The following STAT5B variants were observed in gnomAD, a reference collection of about 807,000 sequenced individuals.
STAT5B encodes transcription factor STAT5B.
In STAT5B, 21 loss-of-function variants were observed where a neutral mutation model predicts 107.8. That is an observed-to-expected ratio of 0.19 (90% CI 0.14 to 0.28). The LOEUF (loss-of-function observed/expected upper bound fraction) is 0.28, where lower values mean the gene tolerates loss of function less well. STAT5B is among the 10% of genes least tolerant of loss of function. The pLI is 1.00. For missense variants in STAT5B, 565 were observed against 1,008.2 expected, an observed-to-expected ratio of 0.56 and a Z score of 5.95; for synonymous variants, 325 against 401.7, an observed-to-expected ratio of 0.81 and a Z score of 2.28.
At chr17:42,207,115 C>A (rs368678242) in intron 16 of STAT5B, among the ~76,000 whole-genome samples, 1 of 151,794 alleles carries the variant, frequency 6.6e-6, no homozygotes, top group Non-Finnish European at 1.5e-5. Context: ...TCAAATGATC[C>A]GCCTGCCTTG....
intron 1 of STAT5B, among the ~76,000 whole-genome samples, chr17:42,257,716 C>T (rs900573149): frequency 5.9e-5 from 9 of 152,184 alleles, no homozygotes; most frequent in Admixed American, 5.9e-4. Flanking sequence ...AATGGGACCA[C>T]ACACAAATAG....
chr17:42,257,291 C>T (rs1262382393), intron 1 of STAT5B, among the ~76,000 whole-genome samples: 4 of 152,282 alleles, frequency 2.6e-5, no homozygotes, highest in African/African-American at 7.2e-5. Context: ...TACCACCTGA[C>T]AATTGAATCT....
chr17:42,283,662 C>T, the STAT5B span, among the ~76,000 whole-genome samples: 1 of 152,230 alleles, frequency 6.6e-6, no homozygotes, highest in African/African-American at 2.4e-5. Context: ...TAGGGGACAG[C>T]GGCAGGAACG....
intron 11 of STAT5B, 132 bp from the exon 12 acceptor site, chr17:42,216,238 T>C: frequency 1.3e-6 from 1 of 755,338 alleles, no homozygotes; most frequent in Non-Finnish European, 2.2e-6. Flanking sequence ...AGACACAGAA[T>C]CTAAATGGCC....
intron 16 of STAT5B, among the ~76,000 whole-genome samples, chr17:42,203,225 G>C (rs2080060019): frequency 6.6e-6 from 1 of 152,138 alleles, no homozygotes; most frequent in African/African-American, 2.4e-5. Context: ...ACAGGCATAA[G>C]CCACCGCACT....
At chr17:42,231,851 G>GA (rs544746847) in intron 2 of STAT5B, 149 bp downstream of exon 2, 317 of 1,216,936 alleles carry the variant, frequency 2.6e-4, no homozygotes, top group Non-Finnish European at 3.4e-4. Context: ...CCTATAAAAA[G>GA]AAAAAAAATT....
chr17:42,266,592 T>C (rs1174434424), intron 1 of STAT5B, among the ~76,000 whole-genome samples: 1 of 151,916 alleles, frequency 6.6e-6, no homozygotes, highest in African/African-American at 2.4e-5. Context: ...ATATGCTTTT[T>C]GGCCCGGTGC....
rs571356004 is a variant in STAT5B, at chr17:42,223,156, T to G, written c.550+226A>C. On this transcript the variant is annotated intron_variant, in intron 5 of 18. Transcript: ENST00000293328. ...CCTGGCAGCTCAGAAGCTCCCTGGA[T>G]GTGGGGACCTGAGTGAGATATGCAC... Among the ~76,000 whole-genome samples the G allele has an allele frequency of 2.6e-5, 4 of 152,284 alleles. No individual in the cohort carries two copies. The South Asian group carries it at 8.3e-4, about 32-fold the overall frequency.
At chr17:42,241,773 A>G (rs1198590691) in intron 1 of STAT5B, among the ~76,000 whole-genome samples, 1 of 152,190 alleles carries the variant, frequency 6.6e-6, no homozygotes, top group Non-Finnish European at 1.5e-5. Flanking sequence ...ACGGAAAAAT[A>G]TTCAATAGCA....
intron 1 of STAT5B, among the ~76,000 whole-genome samples, chr17:42,257,506 C>A (rs1157106300): frequency 1.3e-5 from 2 of 152,194 alleles, no homozygotes; most frequent in Non-Finnish European, 1.5e-5. Flanking sequence ...CAAAACAAAT[C>A]GGGTCCAATC....
chr17:42,251,089 A>T (rs1368332297), intron 1 of STAT5B, among the ~76,000 whole-genome samples: 1 of 152,162 alleles, frequency 6.6e-6, no homozygotes. Flanking sequence ...AAAAGGCTTT[A>T]AATAAGACTC....
chr17:42,219,873 C>A, intron 5 of STAT5B, 31 bp from the exon 6 acceptor site: 1 of 1,614,084 alleles, frequency 6.2e-7, no homozygotes, highest in Non-Finnish European at 8.5e-7. Flanking sequence ...CCATGACCAT[C>A]ACCTCCCAGT....
intron 1 of STAT5B, among the ~76,000 whole-genome samples, chr17:42,251,193 A>G (rs1033041752): frequency 1.3e-5 from 2 of 152,166 alleles, no homozygotes; most frequent in African/African-American, 4.8e-5. Flanking sequence ...CATTCTTTTA[A>G]ATCAATCAGA....
At chr17:42,215,115 C>T (rs185512743) in intron 12 of STAT5B, among the ~76,000 whole-genome samples, 30 of 152,278 alleles carry the variant, frequency 2.0e-4, no homozygotes, top group African/African-American at 7.2e-4. Flanking sequence ...TGCATAAATC[C>T]ACCAAATTAT....
chr17:42,254,747 G>A (rs1398904170), intron 1 of STAT5B, among the ~76,000 whole-genome samples: 2 of 152,046 alleles, frequency 1.3e-5, no homozygotes, highest in African/African-American at 4.8e-5. Flanking sequence ...GGAAGGGAAG[G>A]AAAAGTAGGG....
At chr17:42,285,941 C>G in the STAT5B span, among the ~76,000 whole-genome samples, 1 of 152,172 alleles carries the variant, frequency 6.6e-6, no homozygotes, top group Non-Finnish European at 1.5e-5. Context: ...GAGTGGGGGC[C>G]GGGCATGGTA....
intron 1 of STAT5B, among the ~76,000 whole-genome samples, chr17:42,267,279 T>G (rs888500923): frequency 1.4e-5 from 2 of 147,688 alleles, no homozygotes; most frequent in African/African-American, 4.9e-5. Flanking sequence ...AGTGTACTCC[T>G]TCTACTTAAA....
chr17:42,245,794 A>G (rs28420465), intron 1 of STAT5B, among the ~76,000 whole-genome samples: 53,931 of 151,574 alleles, frequency 0.36, 10,683 homozygotes, highest in African/African-American at 0.53. Context: ...AAAGTGCTGG[A>G]ATTACAGGCG....
intron 1 of STAT5B, among the ~76,000 whole-genome samples, chr17:42,244,899 A>G (rs531905659): frequency 6.6e-5 from 10 of 151,492 alleles, no homozygotes; most frequent in Non-Finnish European, 7.4e-5. Context: ...TTAAATTTTT[A>G]TTTTATTTAT....
Sources: gnomAD v4.1 joint callset for allele counts (sites outside exome capture counted in the v4.1 genomes callset) on GRCh38, gnomAD v4.1.1 for gene constraint, MANE v1.5 for transcripts, NCBI Gene and HGNC (gene_info 2026-07-23, HGNC 2026-07-21) for gene names.